The following LOXHD1 variants were observed in gnomAD, a reference collection of about 807,000 sequenced individuals.
LOXHD1 encodes lipoxygenase homology domain-containing protein 1.
A neutral mutation model predicts 248.2 loss-of-function variants in LOXHD1; 205 were observed. That is an observed-to-expected ratio of 0.83 (90% confidence interval 0.74 to 0.93). The LOEUF is 0.93. Ranked by LOEUF, LOXHD1 falls within the 40% of genes least tolerant of loss-of-function variation. The pLI, the probability that LOXHD1 is intolerant of heterozygous loss-of-function variation, is 0.00. For missense variants in LOXHD1, 2,930 were observed against 2,971.6 expected (o/e 0.99, Z 0.33); for synonymous variants, 1,113 against 1,162.8 (o/e 0.96, Z 0.87).
rs1300857114 is a variant in LOXHD1 at position 46,569,450 on chromosome 18, T to A, written c.2236A>T (p.Ile746Phe). ...TTGGGAAGGAGACTTACATTTCCAA[T>A]GTTCAGGGTCTCGAGGGTGAACTCA... is the stretch of plus-strand genomic sequence containing the variant. ...VDEFTLETLN[I>F]GNINRLVIGH... Residue 746 changes from isoleucine (I) to phenylalanine (F), a missense_variant, in exon 16 of 41, where the codon ATT (isoleucine) becomes TTT (phenylalanine). Ile to Phe is a conservative substitution (Grantham distance 21). Coordinates refer to ENST00000642948, the MANE Select transcript of LOXHD1 (RefSeq NM_001384474.1). The A allele has an allele frequency of 2.6e-6, 4 of 1,551,732 alleles. No homozygotes were observed. The highest frequency in any genetic ancestry group is 3.5e-6 in the Non-Finnish European group (4 of 1,146,722).
chr18:46,574,577 T>C (rs945150324), intron 14 of LOXHD1, among the ~76,000 whole-genome samples: 2 of 145,528 alleles, frequency 1.4e-5, no homozygotes, highest in African/African-American at 5.2e-5. Context: ...GCAAATGCCA[T>C]CACTACATGT....
chr18:46,631,218 A>C, intron 4 of LOXHD1, among the ~76,000 whole-genome samples: 1 of 152,148 alleles, frequency 6.6e-6, no homozygotes, highest in Non-Finnish European at 1.5e-5. Flanking sequence ...GCTTCACTGG[A>C]GAAACTGGAG....
intron 4 of LOXHD1, among the ~76,000 whole-genome samples, chr18:46,638,089 G>A (rs2038915406): frequency 6.6e-6 from 1 of 152,158 alleles, no homozygotes; most frequent in African/African-American, 2.4e-5. Flanking sequence ...CCAAGGAGGG[G>A]TGTCGAGCAA....
rs143807411 is a variant in LOXHD1, at chr18:46,592,410, G to A, written c.1518+88C>T. On this transcript the variant is annotated intron_variant, in intron 11 of 40. Transcript: ENST00000642948. Reference sequence around the variant, plus strand: ...AGTCCCTATTCACAATAAATACAGAGGCAAATTTATGTGACAGGGTCATTG... The same window carrying A: ...AGTCCCTATTCACAATAAATACAGAAGCAAATTTATGTGACAGGGTCATTG... The A allele has an allele frequency of 6.5e-5, 74 of 1,140,090 alleles. No homozygotes were observed. In the African/African-American group the frequency reaches 1.0e-3, roughly 16 times the overall value. The allele number at this position is 1,140,090 out of a possible 1,614,324, so 70.6% of individuals were successfully genotyped here. A position where few individuals can be genotyped will look rare whatever the true frequency, so the allele number is the denominator to read the frequency against.
At chr18:46,520,198 G>A in intron 33 of LOXHD1, 2 of 458,048 alleles carry the variant, frequency 4.4e-6, no homozygotes, top group Non-Finnish European at 4.4e-6. Flanking sequence ...GAGAGTGGCA[G>A]GCCCCCACAC....
rs1252480218 is a variant in LOXHD1 at position 46,521,240 on chromosome 18, C to T, written c.5128G>A (p.Glu1710Lys). ...GASPESCWLV[E>K]ELCLAVPTQG... Reference sequence around the variant, plus strand: ...GTGGGCACTGCCAAACACAACTCTTCCACCAGCCAGCAGCTCTCAGGGGAG... The same window carrying T: ...GTGGGCACTGCCAAACACAACTCTTTCACCAGCCAGCAGCTCTCAGGGGAG... The change falls in exon 33 of 41, where the codon GAA becomes AAA. Residue 1710 changes from glutamate to lysine, a missense_variant. Transcript: ENST00000642948. The T allele has an allele frequency of 1.9e-6, 3 of 1,551,634 alleles. No individual in the cohort carries two copies. The South Asian group carries it at 3.6e-5, about 18-fold the overall frequency.
At chr18:46,651,608 G>A (rs2039112582) in intron 1 of LOXHD1, among the ~76,000 whole-genome samples, 1 of 152,024 alleles carries the variant, frequency 6.6e-6, no homozygotes, top group Non-Finnish European at 1.5e-5. Context: ...GTCAATAGTT[G>A]ATTCTGGGAT....
At chr18:46,555,563 A>G (rs1272826255) in intron 21 of LOXHD1, among the ~76,000 whole-genome samples, 1 of 152,140 alleles carries the variant, frequency 6.6e-6, no homozygotes, top group Admixed American at 6.5e-5. Flanking sequence ...TATGGGCTGG[A>G]AAGTTGATTT....
In LOXHD1 at chr18:46,483,587, A is replaced by T. The variant is rs1308846711; in HGVS notation, c.6341T>A (p.Val2114Glu). 2 of 1,550,414 alleles carry T rather than the reference A, an allele frequency of 1.3e-6. No homozygotes were observed. Among genetic ancestry groups the T allele is most frequent in the Non-Finnish European group, 1.7e-6 (2 of 1,146,680 alleles). ...CCTTGGGGAGAGGCTCAGTACATAC[A>T]CATTGCCGTACTCCATCTCGGTGAT... ...ITITEMEYGN[V>E]YFFNCDCLIP... is the part of the protein sequence containing the mutation. The change falls in exon 40 of 41, where the codon GTG (valine) becomes GAG (glutamate). Residue 2114 changes from valine (V) to glutamate (E), a missense_variant and splice_region_variant. Val to Glu is a moderately radical substitution (Grantham distance 121, BLOSUM62 -2). Transcript: ENST00000642948.
intron 38 of LOXHD1, 117 bp from the exon 39 acceptor site, chr18:46,485,268 G>T: frequency 8.5e-7 from 1 of 1,182,758 alleles, no homozygotes; most frequent in South Asian, 1.6e-5. Flanking sequence ...GCAGCCTGGG[G>T]GTGGGGGAGG....
intron 37 of LOXHD1, among the ~76,000 whole-genome samples, chr18:46,502,916 A>T (rs2034327202): frequency 6.6e-6 from 1 of 152,154 alleles, no homozygotes. Context: ...TGCTGGGGAT[A>T]CCACTTCTTC....
chr18:46,576,873 G>A (rs747710395), intron 14 of LOXHD1, among the ~76,000 whole-genome samples: 24 of 152,140 alleles, frequency 1.6e-4, no homozygotes, highest in South Asian at 2.1e-4. Flanking sequence ...GTACATCTGC[G>A]TTCATGGTAA....
At chr18:46,545,623 A>ATTTTTTTTTTTTT (rs1555676193) in intron 22 of LOXHD1, among the ~76,000 whole-genome samples, 4 of 86,052 alleles carry the variant, frequency 4.6e-5, no homozygotes, top group African/African-American at 1.8e-4. Flanking sequence ...CCTCTTGGCC[A>ATTTTTTTTTTTTT]TTTCTTTTTT....
At chr18:46,514,877 TA>T (rs1050464386) in intron 34 of LOXHD1, among the ~76,000 whole-genome samples, 120 of 152,336 alleles carry the variant, frequency 7.9e-4, no homozygotes, top group African/African-American at 2.7e-3. Context: ...ATTCTTTGTC[TA>T]AAAATAGTTT....
chr18:46,565,828 T>C (rs1308973999), intron 17 of LOXHD1, among the ~76,000 whole-genome samples: 1 of 152,156 alleles, frequency 6.6e-6, no homozygotes, highest in Non-Finnish European at 1.5e-5. Context: ...ATGTTTTTGA[T>C]CCTCGATTGA....
chr18:46,500,351 C>A (rs1487844288), intron 37 of LOXHD1, among the ~76,000 whole-genome samples: 1 of 152,174 alleles, frequency 6.6e-6, no homozygotes, highest in Admixed American at 6.5e-5. Flanking sequence ...TCACTCAGGC[C>A]TTCAAATTAA....
At chr18:46,507,838 G>T in intron 35 of LOXHD1, 126 bp from the exon 36 acceptor site, 1 of 968,188 alleles carries the variant, frequency 1.0e-6, no homozygotes. Context: ...AAGCGCTTGC[G>T]ACTGAGACCC....
In LOXHD1 at chr18:46,529,232, C is replaced by T; in HGVS notation, c.4475G>A (p.Gly1492Glu). The part of the protein sequence containing the change: ...ITIYGDLGDT[G>E]ERYLGKSENR... ...CTCTGACTTGCCAAGGTATCGCTCC[C>T]CAGTGTCCCCGAGGTCTCCATAGAT... Residue 1492 changes from glycine to glutamate, a missense_variant, in exon 29 of 41, where the codon GGG becomes GAG. Coordinates refer to ENST00000642948, the MANE Select transcript of LOXHD1 (RefSeq NM_001384474.1). The T allele has an allele frequency of 1.9e-6, 3 of 1,551,634 alleles. No homozygotes were observed. Among genetic ancestry groups the T allele is most frequent in the Non-Finnish European group, 2.6e-6 (3 of 1,146,960 alleles).
intron 39 of LOXHD1, among the ~76,000 whole-genome samples, chr18:46,484,638 G>C (rs1288619732): frequency 1.3e-5 from 2 of 152,212 alleles, no homozygotes; most frequent in Non-Finnish European, 2.9e-5. Context: ...AGATGTAGCA[G>C]AGTTAAGGGG....
Sources: allele counts gnomAD v4.1 joint callset (sites outside exome capture counted in the v4.1 genomes callset), GRCh38; gene constraint gnomAD v4.1.1; transcripts MANE v1.5; gene names NCBI Gene and HGNC (gene_info 2026-07-23, HGNC 2026-07-21).